SEZ6L: variants seen among roughly 807,000 people sequenced by gnomAD.
SEZ6L encodes seizure 6-like protein.
Under a neutral mutation model 106.2 loss-of-function variants are expected in SEZ6L, and 37 were observed. That is an observed-to-expected ratio of 0.35 (90% CI 0.27 to 0.46). The LOEUF (loss-of-function observed/expected upper bound fraction) is 0.46, where lower values mean the gene tolerates loss of function less well. Among genes scored for constraint, SEZ6L ranks in the 20% least tolerant of loss-of-function variants. The probability of loss-of-function intolerance (pLI) is 1.00; values close to 1 mark genes in which losing one functional copy is unlikely to be tolerated. For synonymous variants in SEZ6L, 541 were observed against 570.4 expected (o/e 0.95, Z 0.73); for missense variants, 1,172 against 1,332.8 (o/e 0.88, Z 1.88).
intron 1 of SEZ6L, among the ~76,000 whole-genome samples, chr22:26,262,266 A>ATCTATCTG (rs2080038061): frequency 6.6e-6 from 1 of 151,242 alleles, no homozygotes; most frequent in Admixed American, 6.6e-5. Flanking sequence ...CTATCTATCT[A>ATCTATCTG]TCTATCTATC....
chr22:26,255,638 T>C (rs1002942332), intron 1 of SEZ6L, among the ~76,000 whole-genome samples: 7 of 152,170 alleles, frequency 4.6e-5, no homozygotes, highest in African/African-American at 1.7e-4. Flanking sequence ...TCAGAACTCA[T>C]CCCAGCTCAC....
At chr22:26,207,133 G>A (rs1287720955) in intron 1 of SEZ6L, among the ~76,000 whole-genome samples, 2 of 152,118 alleles carry the variant, frequency 1.3e-5, no homozygotes, top group Non-Finnish European at 1.5e-5. Context: ...TTTCTCTTAT[G>A]GTGCTCTTTT....
chr22:26,342,918 C>A (rs1285492018), intron 10 of SEZ6L, among the ~76,000 whole-genome samples: 1 of 152,202 alleles, frequency 6.6e-6, no homozygotes, highest in East Asian at 1.9e-4. Flanking sequence ...ACATTCCTGG[C>A]ATTTTTATTT....
intron 1 of SEZ6L, among the ~76,000 whole-genome samples, chr22:26,271,790 T>G: frequency 6.6e-6 from 1 of 152,184 alleles, no homozygotes; most frequent in East Asian, 1.9e-4. Flanking sequence ...TTAAACCTCT[T>G]TTTTTCTAAA....
At chr22:26,357,823 G>C (rs189400744) in intron 12 of SEZ6L, among the ~76,000 whole-genome samples, 107 of 152,288 alleles carry the variant, frequency 7.0e-4, no homozygotes, top group African/African-American at 2.4e-3. Flanking sequence ...TGATAAGGAC[G>C]TGGTGGATGA....
chr22:26,351,075 G>A lies in SEZ6L; in HGVS notation c.2431G>A (p.Glu811Lys). The A allele has an allele frequency of 6.2e-7, 1 of 1,614,146 alleles. No homozygotes were observed. The highest frequency in any genetic ancestry group is 8.5e-7 in the Non-Finnish European group (1 of 1,180,030). Reference protein sequence around the residue: ...EKIMYCTDPGEVDHSTRLISD... With the variant: ...EKIMYCTDPGKVDHSTRLISD... ...AGTTATGTACTGCACCGACCCCGGA[G>A]AGGTGGATCACTCGACCCGCTTAAT... The change falls in exon 12 of 17, where the codon GAG (glutamate) becomes AAG (lysine). Residue 811 changes from glutamate (E) to lysine (K), a missense_variant. Glu to Lys is a moderately conservative substitution (Grantham distance 56). This residue lies in a region of SEZ6L where 534 missense variants were observed against 691.0 expected (regional missense o/e 0.77). Coordinates refer to ENST00000248933, the MANE Select transcript of SEZ6L (RefSeq NM_021115.5).
At chr22:26,194,583 T>C (rs974697166) in intron 1 of SEZ6L, among the ~76,000 whole-genome samples, 6 of 152,192 alleles carry the variant, frequency 3.9e-5, no homozygotes, top group Non-Finnish European at 7.3e-5. Context: ...GAATCAACCA[T>C]TGGACATAAT....
chr22:26,338,263 C>T (rs2082705751), intron 9 of SEZ6L, among the ~76,000 whole-genome samples: 1 of 152,230 alleles, frequency 6.6e-6, no homozygotes, highest in Non-Finnish European at 1.5e-5. Context: ...ATGATCTAAT[C>T]CCTGCAGAAC....
At chr22:26,254,857 G>C (rs899734262) in intron 1 of SEZ6L, among the ~76,000 whole-genome samples, 1 of 152,080 alleles carries the variant, frequency 6.6e-6, no homozygotes, top group South Asian at 2.1e-4. Context: ...CAAGATCGTG[G>C]ATAGAGGGAT....
chr22:26,240,067 G>GACACACACACAC (rs67141647), intron 1 of SEZ6L, among the ~76,000 whole-genome samples: 1 of 135,914 alleles, frequency 7.4e-6, no homozygotes, highest in African/African-American at 3.0e-5. Context: ...CACACATACA[G>GACACACACACAC]ACACACACAC....
At chr22:26,216,178 A>G (rs1011930360) in intron 1 of SEZ6L, among the ~76,000 whole-genome samples, 3 of 152,152 alleles carry the variant, frequency 2.0e-5, no homozygotes, top group Non-Finnish European at 4.4e-5. Context: ...ACAGAAAACC[A>G]GGGAGAGCTG....
chr22:26,350,211 C>CATATATATATATATATATATACACAT (rs34286571), intron 11 of SEZ6L, among the ~76,000 whole-genome samples: 3 of 145,652 alleles, frequency 2.1e-5, no homozygotes, highest in Non-Finnish European at 3.0e-5. Flanking sequence ...TATATATACA[C>CATATATATATATATATATATACACAT]ATATATATAT....
intron 13 of SEZ6L, among the ~76,000 whole-genome samples, chr22:26,372,414 T>C (rs768017005): frequency 3.9e-5 from 6 of 152,214 alleles, no homozygotes; most frequent in Non-Finnish European, 5.9e-5. Flanking sequence ...AATCTTTCCA[T>C]TTTCTTGATG....
chr22:26,219,886 C>A (rs971648775), intron 1 of SEZ6L, among the ~76,000 whole-genome samples: 2 of 152,162 alleles, frequency 1.3e-5, no homozygotes, highest in Non-Finnish European at 2.9e-5. Context: ...GCGCAACAAA[C>A]CACCATGGGA....
intron 10 of SEZ6L, among the ~76,000 whole-genome samples, chr22:26,343,723 G>A (rs2082918066): frequency 6.6e-6 from 1 of 152,200 alleles, no homozygotes; most frequent in Admixed American, 6.5e-5. Context: ...GCAGAAAAAG[G>A]ATTGCAGAGA....
intron 1 of SEZ6L, among the ~76,000 whole-genome samples, chr22:26,181,917 T>TG (rs780910481): frequency 1.3e-5 from 2 of 152,238 alleles, no homozygotes; most frequent in Non-Finnish European, 2.9e-5. Flanking sequence ...GACCTAGAAT[T>TG]GTGCTAGAAC....
At chr22:26,351,861 T>G (rs1044679006) in intron 12 of SEZ6L, among the ~76,000 whole-genome samples, 1 of 152,028 alleles carries the variant, frequency 6.6e-6, no homozygotes, top group Non-Finnish European at 1.5e-5. Context: ...GATTTCATTT[T>G]AAGAAGAGGA....
chr22:26,244,589 A>C (rs1481164109), intron 1 of SEZ6L: 1 of 152,270 alleles, frequency 6.6e-6, no homozygotes, highest in East Asian at 1.9e-4. Flanking sequence ...GATAGGAAGA[A>C]TTTGGCAGGA....
At chr22:26,331,562 A>C (rs2082481657) in intron 9 of SEZ6L, among the ~76,000 whole-genome samples, 1 of 152,266 alleles carries the variant, frequency 6.6e-6, no homozygotes, top group Non-Finnish European at 1.5e-5. Context: ...ACCCAGACTA[A>C]GTAACTAGAT....
Sources: allele counts gnomAD v4.1 joint callset (sites outside exome capture counted in the v4.1 genomes callset), GRCh38; gene constraint gnomAD v4.1.1; regional missense constraint gnomAD v4.1.1; transcripts MANE v1.5; gene names NCBI Gene and HGNC (gene_info 2026-07-23, HGNC 2026-07-21).